GSG1L: variants seen among roughly 807,000 people sequenced by gnomAD.
GSG1L encodes the protein GSG1 like.
In GSG1L, 24 loss-of-function variants were observed where a neutral mutation model predicts 42.1. That is an observed-to-expected ratio of 0.57 (90% CI 0.41 to 0.80). The LOEUF is 0.80. Ranked by LOEUF, GSG1L falls within the 30% of genes least tolerant of loss-of-function variation. The pLI, the probability that GSG1L is intolerant of heterozygous loss-of-function variation, is 0.00. For missense variants in GSG1L, 445 were observed against 472.2 expected, an observed-to-expected ratio of 0.94 and a Z score of 0.53; for synonymous variants, 215 against 203.5, an observed-to-expected ratio of 1.06 and a Z score of -0.48.
chr16:27,869,107 G>C (rs1383774969), intron 3 of GSG1L, among the ~76,000 whole-genome samples: 2 of 151,946 alleles, frequency 1.3e-5, no homozygotes, highest in African/African-American at 4.9e-5. Flanking sequence ...CGTCCTCCCA[G>C]AGCTGGGGGT....
chr16:27,920,405 C>T (rs748925993), intron 2 of GSG1L, among the ~76,000 whole-genome samples: 8 of 152,314 alleles, frequency 5.3e-5, no homozygotes, highest in East Asian at 3.9e-4. Context: ...CATTATTTAA[C>T]GATGGAGAGT....
At chr16:27,944,617 G>T (rs1410447467) in intron 2 of GSG1L, among the ~76,000 whole-genome samples, 4 of 133,630 alleles carry the variant, frequency 3.0e-5, no homozygotes, top group Non-Finnish European at 6.2e-5. Flanking sequence ...GTGAGACTCT[G>T]CCTCAAAAAA....
At chr16:27,895,965 A>G (rs116195658) in intron 2 of GSG1L, among the ~76,000 whole-genome samples, 2,857 of 152,236 alleles carry the variant, frequency 0.019, 86 homozygotes, top group African/African-American at 0.064. Context: ...TAGAGTCTCA[A>G]TCCTCAAAGG....
At chr16:27,875,503 C>T (rs1234552653) in intron 3 of GSG1L, among the ~76,000 whole-genome samples, 1 of 152,182 alleles carries the variant, frequency 6.6e-6, no homozygotes, top group African/African-American at 2.4e-5. Flanking sequence ...AGGCCTCTGC[C>T]ATTCCTGGGG....
intron 2 of GSG1L, among the ~76,000 whole-genome samples, chr16:27,961,460 G>A (rs2085071335): frequency 6.6e-6 from 1 of 152,138 alleles, no homozygotes; most frequent in Non-Finnish European, 1.5e-5. Flanking sequence ...GCGCAGGCCT[G>A]GATTTCACCC....
intron 1 of GSG1L, among the ~76,000 whole-genome samples, chr16:27,991,733 CT>C (rs2085459513): frequency 6.6e-6 from 1 of 152,118 alleles, no homozygotes; most frequent in Non-Finnish European, 1.5e-5. Context: ...ATTATTAATG[CT>C]ATGTATCTCT....
intron 1 of GSG1L, among the ~76,000 whole-genome samples, chr16:28,003,469 C>G (rs191478888): frequency 6.6e-6 from 1 of 152,200 alleles, no homozygotes; most frequent in Non-Finnish European, 1.5e-5. Context: ...CCTACAGAAG[C>G]CAACCCACCT....
At chr16:27,960,501 T>C (rs548883192) in intron 2 of GSG1L, among the ~76,000 whole-genome samples, 43 of 152,242 alleles carry the variant, frequency 2.8e-4, no homozygotes, top group African/African-American at 8.7e-4. Flanking sequence ...AGCCATAACA[T>C]AGGGAAAGAG....
At chr16:27,818,245 A>C (rs2083117398) in intron 5 of GSG1L, among the ~76,000 whole-genome samples, 1 of 152,244 alleles carries the variant, frequency 6.6e-6, no homozygotes, top group African/African-American at 2.4e-5. Flanking sequence ...TTTAAAAGAA[A>C]GCATGAAAGT....
At chr16:27,827,005 C>T (rs1055006114) in intron 5 of GSG1L, among the ~76,000 whole-genome samples, 3 of 152,302 alleles carry the variant, frequency 2.0e-5, no homozygotes, top group Middle Eastern at 3.4e-3. Context: ...TAGGAAAGAG[C>T]CACGCAGACC....
rs1488921031 is a variant in GSG1L, at chr16:27,807,482, C to A, written c.898+5G>T. 1.2e-6 allele frequency: 2 copies of A among 1,612,144 alleles called. No individual in the cohort carries two copies. Among genetic ancestry groups the A allele is most frequent in the Admixed American group, 1.7e-5 (1 of 59,908 alleles). ...GTAGCAGATACCCACAAACAGGCCA[C>A]TTACGGGCAGGGTATCTCTCGTGGC... On this transcript the variant is annotated splice_donor_5th_base_variant and intron_variant, in intron 6 of 6. Coordinates refer to ENST00000447459, the MANE Select transcript of GSG1L (RefSeq NM_001109763.2).
At chr16:27,888,072 G>A (rs1194263375) in intron 2 of GSG1L, 2 of 984,398 alleles carry the variant, frequency 2.0e-6, no homozygotes. Context: ...CGGAGATGCT[G>A]ATGCTCCTAT....
chr16:27,936,494 A>G (rs143334280), intron 2 of GSG1L, among the ~76,000 whole-genome samples: 1 of 152,292 alleles, frequency 6.6e-6, no homozygotes, highest in Non-Finnish European at 1.5e-5. Flanking sequence ...TGACCTCTGC[A>G]CACAGCAGCT....
intron 5 of GSG1L, among the ~76,000 whole-genome samples, chr16:27,826,363 C>T (rs904203372): frequency 3.3e-5 from 5 of 152,214 alleles, no homozygotes; most frequent in African/African-American, 1.2e-4. Context: ...CATTGCTGCC[C>T]CACCCTGCAG....
At chr16:27,976,645 G>A (rs1161824982) in intron 1 of GSG1L, among the ~76,000 whole-genome samples, 2 of 152,228 alleles carry the variant, frequency 1.3e-5, no homozygotes, top group African/African-American at 2.4e-5. Context: ...GCCACATTGA[G>A]CCTTACACCT....
At chr16:27,834,621 A>C (rs184030461) in intron 4 of GSG1L, among the ~76,000 whole-genome samples, 74 of 152,298 alleles carry the variant, frequency 4.9e-4, no homozygotes, top group African/African-American at 1.8e-3. Flanking sequence ...TATTCAAATT[A>C]CTTATTTCGC....
rs77428952 is a variant in GSG1L, at chr16:27,818,513, G to A, written c.830+10276C>T. Among the ~76,000 whole-genome samples the A allele has an allele frequency of 1.8e-4, 28 of 152,170 alleles. 1 individual carries two copies. The South Asian group carries it at 2.9e-3, about 16-fold the overall frequency. The stretch of plus-strand genomic sequence containing the variant: ...AAGGACCCCAACACTGGGTGATGGC[G>A]TGCAAAGTGTTACCGAGAAATAAAC... On this transcript the variant is annotated intron_variant, in intron 5 of 6. Coordinates refer to ENST00000447459, the MANE Select transcript of GSG1L (RefSeq NM_001109763.2).
intron 1 of GSG1L, among the ~76,000 whole-genome samples, chr16:28,039,603 G>GCACACA (rs34252812): frequency 1.3e-5 from 2 of 150,882 alleles, no homozygotes; most frequent in Admixed American, 1.3e-4. Context: ...ACCCACACTT[G>GCACACA]CACACACACA....
chr16:27,936,562 C>T (rs1023555748), intron 2 of GSG1L, among the ~76,000 whole-genome samples: 1 of 152,190 alleles, frequency 6.6e-6, no homozygotes, highest in African/African-American at 2.4e-5. Flanking sequence ...GAAGCAGATG[C>T]AGGCTTCTCG....
Sources: allele counts gnomAD v4.1 joint callset (sites outside exome capture counted in the v4.1 genomes callset), GRCh38; gene constraint gnomAD v4.1.1; transcripts MANE v1.5; gene names NCBI Gene and HGNC (gene_info 2026-07-23, HGNC 2026-07-21).